The following CAMTA1 variants were observed in gnomAD, a reference collection of about 807,000 sequenced individuals.
The protein encoded by CAMTA1 is calmodulin-binding transcription activator 1.
A neutral mutation model predicts 170.9 loss-of-function variants in CAMTA1; 27 were observed. The ratio of observed to expected loss-of-function variants is 0.16; its 90% CI spans 0.12 to 0.22. The LOEUF (loss-of-function observed/expected upper bound fraction) is 0.22, where lower values mean the gene tolerates loss of function less well. CAMTA1 is among the 10% of genes least tolerant of loss of function. CAMTA1 has a pLI of 1.00. For missense variants in CAMTA1, 1,619 were observed against 2,217.2 expected (o/e 0.73, Z 5.42); for synonymous variants, 833 against 891.5 (o/e 0.93, Z 1.17).
chr1:7,550,308 G>A (rs1357251660), intron 6 of CAMTA1, among the ~76,000 whole-genome samples: 1 of 152,086 alleles, frequency 6.6e-6, no homozygotes, highest in Admixed American at 6.5e-5. Context: ...CAAGATGATG[G>A]TTCCGGAGTC....
intron 3 of CAMTA1, among the ~76,000 whole-genome samples, chr1:7,038,399 A>G (rs560775589): frequency 8.5e-5 from 13 of 152,358 alleles, no homozygotes; most frequent in African/African-American, 3.1e-4. Context: ...TCAATGCCAT[A>G]TATTAAGTGA....
At chr1:6,863,709 A>C (rs947993889) in intron 3 of CAMTA1, among the ~76,000 whole-genome samples, 1 of 152,218 alleles carries the variant, frequency 6.6e-6, no homozygotes, top group African/African-American at 2.4e-5. Context: ...TGTGCACTCC[A>C]CACCTGTTTC....
intron 3 of CAMTA1, among the ~76,000 whole-genome samples, chr1:6,877,026 T>G (rs1244530680): frequency 2.6e-5 from 4 of 152,184 alleles, no homozygotes; most frequent in Non-Finnish European, 5.9e-5. Context: ...GAAAGGTGCT[T>G]CTTCGGTGCC....
At chr1:7,306,889 A>G (rs34785355) in intron 5 of CAMTA1, among the ~76,000 whole-genome samples, 1 of 152,036 alleles carries the variant, frequency 6.6e-6, no homozygotes, top group Non-Finnish European at 1.5e-5. Context: ...ATACAGTATA[A>G]CAATTATTTA....
At chr1:6,860,927 A>G (rs951702238) in intron 3 of CAMTA1, among the ~76,000 whole-genome samples, 64 of 151,534 alleles carry the variant, frequency 4.2e-4, no homozygotes, top group African/African-American at 1.6e-3. Context: ...AACAAAACAA[A>G]AAAACCAAAA....
At chr1:7,380,239 A>T (rs2087180296) in intron 5 of CAMTA1, among the ~76,000 whole-genome samples, 1 of 152,126 alleles carries the variant, frequency 6.6e-6, no homozygotes, top group South Asian at 2.1e-4. Context: ...GTGACTGTCC[A>T]TTTGCCCGGC....
intron 6 of CAMTA1, among the ~76,000 whole-genome samples, chr1:7,513,030 G>T (rs1395673632): frequency 6.6e-6 from 1 of 152,160 alleles, no homozygotes; most frequent in East Asian, 1.9e-4. Flanking sequence ...AGAATCTGGT[G>T]GGTTTTGAGT....
chr1:7,414,501 C>T (rs1321020623), intron 5 of CAMTA1, among the ~76,000 whole-genome samples: 2 of 152,082 alleles, frequency 1.3e-5, no homozygotes, highest in Non-Finnish European at 2.9e-5. Context: ...GTGTATGCGT[C>T]GAGGAATTTA....
chr1:7,036,631 T>C (rs1703635689), intron 3 of CAMTA1, among the ~76,000 whole-genome samples: 1 of 152,230 alleles, frequency 6.6e-6, no homozygotes, highest in Admixed American at 6.5e-5. Flanking sequence ...GTTTGTGCTT[T>C]TTCCATTCCG....
At chr1:7,048,363 A>G (rs1705749445) in intron 3 of CAMTA1, among the ~76,000 whole-genome samples, 1 of 152,240 alleles carries the variant, frequency 6.6e-6, no homozygotes, top group Non-Finnish European at 1.5e-5. Context: ...GAGTGAGACA[A>G]ATACTACCTA....
chr1:7,699,717 G>T (rs1352563029), intron 11 of CAMTA1, among the ~76,000 whole-genome samples: 2 of 152,212 alleles, frequency 1.3e-5, no homozygotes, highest in Admixed American at 6.5e-5. Flanking sequence ...CACTTAGTGG[G>T]TGTGAAGTGG....
At chr1:6,795,255 A>G (rs939093442) in intron 1 of CAMTA1, among the ~76,000 whole-genome samples, 17 of 152,280 alleles carry the variant, frequency 1.1e-4, no homozygotes, top group African/African-American at 3.8e-4. Context: ...AGTGCAATCC[A>G]TAGCTCACTG....
chr1:7,518,344 C>T (rs1196573909), intron 6 of CAMTA1, among the ~76,000 whole-genome samples: 1 of 151,832 alleles, frequency 6.6e-6, no homozygotes, highest in Non-Finnish European at 1.5e-5. Context: ...CTCTTCTGTT[C>T]CCTCCACCGG....
intron 2 of CAMTA1, among the ~76,000 whole-genome samples, chr1:6,824,628 C>G (rs1415644235): frequency 6.6e-6 from 1 of 152,098 alleles, no homozygotes; most frequent in Non-Finnish European, 1.5e-5. Flanking sequence ...AAGGATAAAT[C>G]TCTTTTATAG....
At chr1:6,910,758 C>T (rs1296136761) in intron 3 of CAMTA1, among the ~76,000 whole-genome samples, 1 of 152,214 alleles carries the variant, frequency 6.6e-6, no homozygotes, top group Non-Finnish European at 1.5e-5. Context: ...CGGAGGTGTG[C>T]TTGCCTGTCA....
intron 6 of CAMTA1, among the ~76,000 whole-genome samples, chr1:7,536,159 C>G (rs963137679): frequency 5.9e-5 from 9 of 152,134 alleles, no homozygotes; most frequent in Non-Finnish European, 8.8e-5. Flanking sequence ...AGGTGACATT[C>G]CAGCCCCCGT....
chr1:7,759,831 A>C (rs184284516), intron 22 of CAMTA1, among the ~76,000 whole-genome samples: 93 of 152,334 alleles, frequency 6.1e-4, no homozygotes, highest in African/African-American at 2.1e-3. Flanking sequence ...AAAAAATAAA[A>C]ACTAAAATGC....
chr1:7,387,425 C>T (rs1160074029), intron 5 of CAMTA1, among the ~76,000 whole-genome samples: 1 of 152,164 alleles, frequency 6.6e-6, no homozygotes, highest in Non-Finnish European at 1.5e-5. Context: ...ATTCTCTTCT[C>T]CCATCTGTTT....
chr1:7,706,779 C>T (rs942590603), intron 11 of CAMTA1, among the ~76,000 whole-genome samples: 2 of 151,884 alleles, frequency 1.3e-5, no homozygotes, highest in African/African-American at 4.8e-5. Flanking sequence ...CTGAACAACT[C>T]AAATGGAAAT....
Sources: gnomAD v4.1 joint callset for allele counts (sites outside exome capture counted in the v4.1 genomes callset) on GRCh38, gnomAD v4.1.1 for gene constraint, MANE v1.5 for transcripts, NCBI Gene and HGNC (gene_info 2026-07-23, HGNC 2026-07-21) for gene names.